The following CNTN4 variants were observed in gnomAD, a reference collection of about 807,000 sequenced individuals.
CNTN4 encodes contactin-4.
A neutral mutation model predicts 122.5 loss-of-function variants in CNTN4; 77 were observed. The ratio of observed to expected loss-of-function variants is 0.63; its 90% CI spans 0.52 to 0.76. The LOEUF is 0.76. Among genes scored for constraint, CNTN4 ranks in the 30% least tolerant of loss-of-function variants. The pLI, the probability that CNTN4 is intolerant of heterozygous loss-of-function variation, is 0.00. For missense variants in CNTN4, 1,256 were observed against 1,259.1 expected, an observed-to-expected ratio of 1.00 and a Z score of 0.04; for synonymous variants, 512 against 447.0, an observed-to-expected ratio of 1.15 and a Z score of -1.83.
chr3:2,526,364 A>C (rs1201560033), intron 3 of CNTN4, among the ~76,000 whole-genome samples: 3 of 152,196 alleles, frequency 2.0e-5, no homozygotes, highest in Admixed American at 2.0e-4. Context: ...TTTAAAGGAC[A>C]AATTCTTCCC....
At chr3:2,599,792 C>A (rs2080942109) in intron 4 of CNTN4, among the ~76,000 whole-genome samples, 1 of 152,048 alleles carries the variant, frequency 6.6e-6, no homozygotes, top group African/African-American at 2.4e-5. Flanking sequence ...AATTCTCTAG[C>A]AGAGATCAAG....
chr3:2,315,813 C>A (rs1438256742), intron 2 of CNTN4, among the ~76,000 whole-genome samples: 2 of 151,956 alleles, frequency 1.3e-5, no homozygotes, highest in African/African-American at 4.8e-5. Context: ...ATGTTACTAT[C>A]TATATAAAAC....
intron 14 of CNTN4, among the ~76,000 whole-genome samples, chr3:3,000,880 C>CTTTTTTTTTTTTT (rs59337830): frequency 3.0e-5 from 4 of 131,488 alleles, no homozygotes; most frequent in African/African-American, 2.7e-5. Context: ...TTCTTTCTTT[C>CTTTTTTTTTTTTT]TTTTTTTTTT....
intron 3 of CNTN4, among the ~76,000 whole-genome samples, chr3:2,486,986 T>C (rs2076180784): frequency 6.6e-6 from 1 of 152,218 alleles, no homozygotes; most frequent in South Asian, 2.1e-4. Flanking sequence ...CCTTTCTTTA[T>C]ATAAATCACA....
intron 10 of CNTN4, among the ~76,000 whole-genome samples, chr3:2,891,396 G>A (rs1420527212): frequency 2.6e-5 from 4 of 152,078 alleles, no homozygotes; most frequent in South Asian, 2.1e-4. Flanking sequence ...CCAGTGAGCC[G>A]AGGTTGTGCC....
intron 4 of CNTN4, among the ~76,000 whole-genome samples, chr3:2,589,460 A>G (rs1290114414): frequency 6.6e-6 from 1 of 152,224 alleles, no homozygotes; most frequent in Non-Finnish European, 1.5e-5. Context: ...TGTGTCTTAG[A>G]GTATAATTCT....
intron 3 of CNTN4, among the ~76,000 whole-genome samples, chr3:2,540,651 TTAAA>T (rs1302483308): frequency 5.9e-5 from 9 of 152,126 alleles, no homozygotes; most frequent in African/African-American, 1.7e-4. Context: ...AGTATAGATA[TTAAA>T]TAGTCAATTT....
intron 3 of CNTN4, among the ~76,000 whole-genome samples, chr3:2,345,039 G>A (rs1412412601): frequency 2.6e-5 from 4 of 152,238 alleles, no homozygotes; most frequent in Non-Finnish European, 5.9e-5. Flanking sequence ...TCTCTTGGTA[G>A]TTGACAGAGC....
At chr3:2,311,270 AT>A (rs1246221208) in intron 2 of CNTN4, among the ~76,000 whole-genome samples, 2 of 151,974 alleles carry the variant, frequency 1.3e-5, no homozygotes, top group African/African-American at 4.8e-5. Flanking sequence ...TTAATGATGA[AT>A]TTTTCCCCCT....
At chr3:2,250,173 G>T (rs746387087) in intron 2 of CNTN4, among the ~76,000 whole-genome samples, 1 of 151,834 alleles carries the variant, frequency 6.6e-6, no homozygotes, top group Non-Finnish European at 1.5e-5. Context: ...TCACTTCTGT[G>T]TGATCAATTA....
intron 3 of CNTN4, among the ~76,000 whole-genome samples, chr3:2,367,790 T>A (rs2045455701): frequency 6.6e-6 from 1 of 152,004 alleles, no homozygotes; most frequent in African/African-American, 2.4e-5. Context: ...TAGCATCTTT[T>A]TAACACAGGG....
In CNTN4 at chr3:2,468,702, AT is replaced by A. The variant is rs547839986; in HGVS notation, c.-88-102704del. ...TTCATGTCAGCAGTGACCTAGGTTA[AT>A]TTTTTTTTTCTTTCTTCTCTATGCT... is the stretch of plus-strand genomic sequence containing the variant. On this transcript the variant is annotated intron_variant, in intron 3 of 24. Coordinates refer to ENST00000418658, the MANE Select transcript of CNTN4 (RefSeq NM_175607.3). Among the ~76,000 whole-genome samples, 77 of 150,312 alleles carry A rather than the reference AT, an allele frequency of 5.1e-4. 3 individuals are homozygous for A. In the South Asian group the frequency reaches 0.013, roughly 26 times the overall value.
chr3:2,136,837 T>C (rs777413870), intron 2 of CNTN4, among the ~76,000 whole-genome samples: 2 of 152,248 alleles, frequency 1.3e-5, no homozygotes, highest in Non-Finnish European at 2.9e-5. Flanking sequence ...TCGTTAATTA[T>C]AATGTCTGTT....
intron 4 of CNTN4, among the ~76,000 whole-genome samples, chr3:2,577,020 C>T (rs1213260202): frequency 6.6e-6 from 1 of 152,214 alleles, no homozygotes; most frequent in South Asian, 2.1e-4. Context: ...AGATAAATGC[C>T]TCTGTCTCCT....
intron 2 of CNTN4, among the ~76,000 whole-genome samples, chr3:2,179,855 A>G (rs994715749): frequency 1.3e-5 from 2 of 152,018 alleles, no homozygotes; most frequent in African/African-American, 4.8e-5. Flanking sequence ...AGCAAGAAAT[A>G]GGTAAAATTA....
intron 3 of CNTN4, among the ~76,000 whole-genome samples, chr3:2,490,679 A>G (rs1341972321): frequency 6.6e-6 from 1 of 152,294 alleles, no homozygotes; most frequent in East Asian, 1.9e-4. Flanking sequence ...CATTATAAGT[A>G]ATTTTGTCTA....
chr3:2,215,303 T>C (rs1352209039), intron 2 of CNTN4, among the ~76,000 whole-genome samples: 3 of 152,224 alleles, frequency 2.0e-5, no homozygotes, highest in Non-Finnish European at 4.4e-5. Context: ...ATGATCAACA[T>C]GGATTCTAGT....
chr3:2,689,004 C>T (rs2085584106), intron 4 of CNTN4, among the ~76,000 whole-genome samples: 1 of 152,164 alleles, frequency 6.6e-6, no homozygotes, highest in Non-Finnish European at 1.5e-5. Context: ...CACCAGTCAT[C>T]CACAGTTGAG....
At chr3:2,563,677 T>A (rs922480135) in intron 3 of CNTN4, among the ~76,000 whole-genome samples, 1 of 152,186 alleles carries the variant, frequency 6.6e-6, no homozygotes, top group African/African-American at 2.4e-5. Context: ...CTCTTCTGTG[T>A]TTAACTAAAC....
Sources: allele counts gnomAD v4.1 joint callset (sites outside exome capture counted in the v4.1 genomes callset), GRCh38; gene constraint gnomAD v4.1.1; transcripts MANE v1.5; gene names NCBI Gene and HGNC (gene_info 2026-07-23, HGNC 2026-07-21).